CDH13: variants seen among roughly 807,000 people sequenced by gnomAD.
CDH13 encodes cadherin-13.
CDH13 carries 24 observed loss-of-function variants against 63.8 expected under a neutral mutation model. The ratio of observed to expected loss-of-function variants is 0.38; its 90% CI spans 0.27 to 0.53. CDH13 has a LOEUF of 0.53. Ranked by LOEUF, CDH13 falls within the 20% of genes least tolerant of loss-of-function variation. The probability of loss-of-function intolerance (pLI) is 0.85; values close to 1 mark genes in which losing one functional copy is unlikely to be tolerated. For missense variants in CDH13, 1,049 were observed against 903.1 expected (o/e 1.16, Z -2.07); for synonymous variants, 503 against 355.3 (o/e 1.42, Z -4.67).
At chr16:82,749,892 A>C (rs1452341446) in intron 1 of CDH13, among the ~76,000 whole-genome samples, 1 of 152,172 alleles carries the variant, frequency 6.6e-6, no homozygotes, top group Middle Eastern at 3.4e-3. Context: ...TTTGCCAATG[A>C]CTGAATGAAA....
chr16:82,913,383 T>G (rs1444839347), intron 2 of CDH13, among the ~76,000 whole-genome samples: 2 of 152,184 alleles, frequency 1.3e-5, no homozygotes, highest in Non-Finnish European at 2.9e-5. Flanking sequence ...ATGTTTTACC[T>G]TGATCTACTG....
At chr16:83,576,644 C>G (rs1275389356) in intron 7 of CDH13, among the ~76,000 whole-genome samples, 1 of 152,230 alleles carries the variant, frequency 6.6e-6, no homozygotes, top group Non-Finnish European at 1.5e-5. Context: ...ATTCCAGTTT[C>G]TCCACATCCC....
At chr16:83,728,640 A>T (rs567215819) in intron 10 of CDH13, among the ~76,000 whole-genome samples, 1 of 152,190 alleles carries the variant, frequency 6.6e-6, no homozygotes, top group Non-Finnish European at 1.5e-5. Flanking sequence ...CCTTCAAAGC[A>T]CTGTGCCCAG....
chr16:83,433,801 G>A (rs2072201853), intron 6 of CDH13, among the ~76,000 whole-genome samples: 1 of 152,208 alleles, frequency 6.6e-6, no homozygotes, highest in African/African-American at 2.4e-5. Context: ...GCAGATAAGA[G>A]TGTTTAAATG....
intron 5 of CDH13, among the ~76,000 whole-genome samples, chr16:83,268,337 C>A (rs1032925604): frequency 6.6e-6 from 1 of 152,284 alleles, no homozygotes; most frequent in South Asian, 2.1e-4. Context: ...TGTGTGTAGC[C>A]TGAGGGATCT....
intron 4 of CDH13, among the ~76,000 whole-genome samples, chr16:83,159,551 C>T (rs2037356738): frequency 6.6e-6 from 1 of 152,076 alleles, no homozygotes; most frequent in South Asian, 2.1e-4. Context: ...GATGCCTAAA[C>T]CTCTCCTCTG....
intron 3 of CDH13, among the ~76,000 whole-genome samples, chr16:83,122,063 T>C (rs1286499550): frequency 6.6e-6 from 1 of 152,140 alleles, no homozygotes; most frequent in Non-Finnish European, 1.5e-5. Flanking sequence ...GATAGGAAGC[T>C]GTTGTTAGGA....
chr16:83,265,344 C>A (rs967728725), intron 5 of CDH13, among the ~76,000 whole-genome samples: 1 of 152,086 alleles, frequency 6.6e-6, no homozygotes, highest in African/African-American at 2.4e-5. Flanking sequence ...ATTTCGCATG[C>A]CTGAAAATCC....
intron 8 of CDH13, among the ~76,000 whole-genome samples, chr16:83,652,434 T>C (rs1298122973): frequency 6.6e-6 from 1 of 152,140 alleles, no homozygotes; most frequent in Admixed American, 6.5e-5. Flanking sequence ...AGTGCCATGC[T>C]GGGGGTGGGA....
chr16:83,518,083 G>C (rs2074740593), intron 7 of CDH13, among the ~76,000 whole-genome samples: 1 of 152,120 alleles, frequency 6.6e-6, no homozygotes, highest in Non-Finnish European at 1.5e-5. Context: ...ATTTTATCAT[G>C]GGGGTGGTTA....
chr16:83,087,497 G>C (rs1373049919), intron 3 of CDH13, among the ~76,000 whole-genome samples: 1 of 151,872 alleles, frequency 6.6e-6, no homozygotes, highest in Non-Finnish European at 1.5e-5. Context: ...TCGAAACCCT[G>C]TGTCTACTAA....
chr16:83,498,396 C>G (rs190630316), intron 7 of CDH13, among the ~76,000 whole-genome samples: 241 of 152,320 alleles, frequency 1.6e-3, no homozygotes, highest in African/African-American at 5.6e-3. Flanking sequence ...AAAAGACACT[C>G]TGGACCAGGC....
chr16:82,936,570 G>C (rs147813018), intron 2 of CDH13, among the ~76,000 whole-genome samples: 194 of 152,204 alleles, frequency 1.3e-3, no homozygotes, highest in African/African-American at 4.4e-3. Context: ...TAAAACAGTA[G>C]GCCCCCCACC....
At chr16:83,486,724 G>C (rs2073899336) in intron 7 of CDH13, 69 bp downstream of exon 7, 3 of 1,445,856 alleles carry the variant, frequency 2.1e-6, no homozygotes, top group Non-Finnish European at 2.9e-6. Context: ...GGGATGATGT[G>C]GGGCTCCAGT....
At chr16:83,715,381 G>A (rs1011809177) in intron 10 of CDH13, among the ~76,000 whole-genome samples, 2 of 152,164 alleles carry the variant, frequency 1.3e-5, no homozygotes, top group Non-Finnish European at 2.9e-5. Context: ...ACCCTGGCAG[G>A]TGGTGCCAGG....
chr16:83,232,810 C>T (rs910436785), intron 5 of CDH13, among the ~76,000 whole-genome samples: 1 of 152,142 alleles, frequency 6.6e-6, no homozygotes, highest in Non-Finnish European at 1.5e-5. Context: ...TAACACAAAC[C>T]CTCATATTTA....
chr16:82,939,760 T>A (rs2042776745), intron 2 of CDH13, among the ~76,000 whole-genome samples: 1 of 152,222 alleles, frequency 6.6e-6, no homozygotes, highest in South Asian at 2.1e-4. Context: ...TCTCTGGATT[T>A]TTTAAACCCA....
chr16:83,214,419 A>G (rs2039432839), intron 4 of CDH13, among the ~76,000 whole-genome samples: 1 of 151,780 alleles, frequency 6.6e-6, no homozygotes, highest in African/African-American at 2.4e-5. Context: ...ATCTCTACTA[A>G]AAATATAAAA....
intron 11 of CDH13, among the ~76,000 whole-genome samples, chr16:83,774,107 T>C (rs75993316): frequency 0.047 from 7,187 of 152,284 alleles, 201 homozygotes; most frequent in Middle Eastern, 0.061. Flanking sequence ...TTTCGGCTAC[T>C]GAGCTATTCG....
Sources: gnomAD v4.1 joint callset for allele counts (sites outside exome capture counted in the v4.1 genomes callset) on GRCh38, gnomAD v4.1.1 for gene constraint, MANE v1.5 for transcripts, NCBI Gene and HGNC (gene_info 2026-07-23, HGNC 2026-07-21) for gene names.